The following JAZF1 variants were observed in gnomAD, a reference collection of about 807,000 sequenced individuals.
JAZF1 encodes JAZF zinc finger 1.
JAZF1 carries 8 observed loss-of-function variants against 26.4 expected under a neutral mutation model. The observed-to-expected ratio is 0.30, with a 90% CI of 0.18 to 0.55. JAZF1 has a LOEUF of 0.55. Ranked by LOEUF, JAZF1 falls within the 20% of genes least tolerant of loss-of-function variation. The probability of loss-of-function intolerance (pLI) is 0.94; values close to 1 mark genes in which losing one functional copy is unlikely to be tolerated. For synonymous variants in JAZF1, 126 were observed against 122.3 expected (o/e 1.03, Z -0.20); for missense variants, 199 against 322.0 (o/e 0.62, Z 2.92).
chr7:28,079,554 T>C (rs548954540), intron 1 of JAZF1, among the ~76,000 whole-genome samples: 3 of 152,276 alleles, frequency 2.0e-5, no homozygotes, highest in Admixed American at 6.5e-5. Flanking sequence ...ACAAGTCTCC[T>C]GAACAAAAAT....
At chr7:28,052,602 G>C (rs1783633838) in intron 1 of JAZF1, among the ~76,000 whole-genome samples, 1 of 152,138 alleles carries the variant, frequency 6.6e-6, no homozygotes, top group South Asian at 2.1e-4. Flanking sequence ...TTAAAACAAA[G>C]AAACAAACAA....
At chr7:28,047,266 C>T (rs1255922528) in intron 1 of JAZF1, among the ~76,000 whole-genome samples, 3 of 152,048 alleles carry the variant, frequency 2.0e-5, no homozygotes, top group African/African-American at 7.2e-5. Flanking sequence ...TCTGGTGGGG[C>T]ATATTCCTTC....
chr7:27,867,510 A>C (rs1583438495), intron 3 of JAZF1, among the ~76,000 whole-genome samples: 1 of 152,332 alleles, frequency 6.6e-6, no homozygotes, highest in South Asian at 2.1e-4. Flanking sequence ...ATTTTTAAGA[A>C]GGCTATTTGG....
chr7:27,927,220 ACTCTCGTG>A (rs1784614870), intron 2 of JAZF1, among the ~76,000 whole-genome samples: 1 of 151,914 alleles, frequency 6.6e-6, no homozygotes. Flanking sequence ...TGGCTCCAGC[ACTCTCGTG>A]CTCAGCTGGG....
intron 1 of JAZF1, among the ~76,000 whole-genome samples, chr7:28,023,854 A>G (rs1444391225): frequency 1.3e-5 from 2 of 152,238 alleles, no homozygotes; most frequent in Non-Finnish European, 2.9e-5. Context: ...GATGCTATAG[A>G]TATAAATGCT....
rs2128361069 is a variant in JAZF1, at chr7:27,976,654, A to G, written c.188+15255T>C. Among the ~76,000 whole-genome samples, 2 of 152,282 alleles carry G rather than the reference A, an allele frequency of 1.3e-5. 1 individual carries two copies. The highest frequency in any genetic ancestry group is 4.8e-5 in the African/African-American group (2 of 41,556). On this transcript the variant is annotated intron_variant, in intron 2 of 4. Transcript: ENST00000283928. ...AATAGGAAGGCATGCCTTGTACTGT[A>G]ATAAATATGACTGCTCTCAGAAGAC...
chr7:28,021,561 G>A (rs766774085), intron 1 of JAZF1, among the ~76,000 whole-genome samples: 8 of 152,114 alleles, frequency 5.3e-5, no homozygotes, highest in Non-Finnish European at 8.8e-5. Context: ...AGGAAAGGCC[G>A]CCACCGCCTG....
At chr7:28,134,924 T>C (rs1782856864) in intron 1 of JAZF1, among the ~76,000 whole-genome samples, 1 of 152,198 alleles carries the variant, frequency 6.6e-6, no homozygotes, top group Admixed American at 6.5e-5. Flanking sequence ...ACCTCCCGAA[T>C]GCCTAGAATT....
chr7:27,990,235 G>A (rs968493191), intron 2 of JAZF1, among the ~76,000 whole-genome samples: 1 of 152,170 alleles, frequency 6.6e-6, no homozygotes, highest in African/African-American at 2.4e-5. Flanking sequence ...ATTGAACAAT[G>A]AGAACACTTG....
Position 27,974,376 on chromosome 7 carries a change from C to A in JAZF1, c.188+17533G>T, listed in dbSNP as rs1008942442. 2.0e-5 allele frequency among the ~76,000 whole-genome samples: 3 copies of A among 152,174 alleles called. 1 individual carries two copies. The highest frequency in any genetic ancestry group is 7.2e-5 in the African/African-American group (3 of 41,422). On this transcript the variant is annotated intron_variant, in intron 2 of 4. Coordinates refer to ENST00000283928, the MANE Select transcript of JAZF1 (RefSeq NM_175061.4). ...AGAAGAAGAACCAGGACAGAACAAA[C>A]TAATGGGCACAAAGGAAGAAAGAAT...
In JAZF1 at chr7:28,083,572, T is replaced by C. The variant is rs181503923; in HGVS notation, c.116-91591A>G. On this transcript the variant is annotated intron_variant, in intron 1 of 4. Transcript: ENST00000283928. The stretch of plus-strand genomic sequence containing the variant: ...AACCACTTACTTCACAGGGTTGCCG[T>C]GAAGACTAAAATACACACAGCATAT... Among the ~76,000 whole-genome samples, 164 of 152,208 alleles carry C rather than the reference T, an allele frequency of 1.1e-3. 3 individuals carry two copies. The South Asian group carries it at 0.021, about 19-fold the overall frequency.
chr7:28,122,155 A>G (rs1782615294), intron 1 of JAZF1, among the ~76,000 whole-genome samples: 1 of 152,214 alleles, frequency 6.6e-6, no homozygotes, highest in Admixed American at 6.5e-5. Flanking sequence ...ATCTGATTTT[A>G]GTTTCTTGGG....
rs181549284 is a variant in JAZF1 at position 28,093,818 on chromosome 7, G to A, written c.115+86645C>T. 3.4e-3 allele frequency among the ~76,000 whole-genome samples: 521 copies of A among 152,220 alleles called. 5 individuals are homozygous for A. Among genetic ancestry groups the A allele is most frequent in the Non-Finnish European group, 3.9e-3 (264 of 68,016 alleles). ...ACTGTCTCTTTTCAAATGCTGTAGCGCCCCCCTGTGGCAATGCCTGCAAAC... is the reference window on the plus strand; with the variant it reads ...ACTGTCTCTTTTCAAATGCTGTAGCACCCCCCTGTGGCAATGCCTGCAAAC... On this transcript the variant is annotated intron_variant, in intron 1 of 4. Coordinates refer to ENST00000283928, the MANE Select transcript of JAZF1 (RefSeq NM_175061.4).
chr7:27,926,523 G>A (rs1459602554), intron 2 of JAZF1, among the ~76,000 whole-genome samples: 1 of 152,194 alleles, frequency 6.6e-6, no homozygotes, highest in Non-Finnish European at 1.5e-5. Flanking sequence ...ACATACAGGT[G>A]CTCTACTAAT....
intron 2 of JAZF1, among the ~76,000 whole-genome samples, chr7:27,903,813 G>C (rs887580699): frequency 1.3e-5 from 2 of 152,210 alleles, no homozygotes; most frequent in Non-Finnish European, 2.9e-5. Context: ...ACAAGGCTCT[G>C]ACTTCGTCTG....
chr7:27,837,477 G>A (rs1782837320), intron 4 of JAZF1, among the ~76,000 whole-genome samples: 1 of 152,154 alleles, frequency 6.6e-6, no homozygotes, highest in South Asian at 2.1e-4. Context: ...CAGAGCATCT[G>A]TCACATCTGA....
intron 2 of JAZF1, among the ~76,000 whole-genome samples, chr7:27,905,576 T>A (rs1784241565): frequency 6.6e-6 from 1 of 151,524 alleles, no homozygotes; most frequent in Non-Finnish European, 1.5e-5. Context: ...TTTTTTCTTA[T>A]TTTTATTTTC....
intron 3 of JAZF1, among the ~76,000 whole-genome samples, chr7:27,852,486 C>T (rs572346285): frequency 1.3e-5 from 2 of 152,170 alleles, no homozygotes; most frequent in South Asian, 2.1e-4. Context: ...TTTGAGGTTG[C>T]AACTCCCTCA....
chr7:28,058,931 CACTA>C (rs369885507), intron 1 of JAZF1, among the ~76,000 whole-genome samples: 21 of 152,282 alleles, frequency 1.4e-4, no homozygotes, highest in Non-Finnish European at 2.4e-4. Context: ...TCAAGCGTAA[CACTA>C]ACTGTGTTAC....
Sources: gnomAD v4.1 joint callset for allele counts (sites outside exome capture counted in the v4.1 genomes callset) on GRCh38, gnomAD v4.1.1 for gene constraint, MANE v1.5 for transcripts, NCBI Gene and HGNC (gene_info 2026-07-23, HGNC 2026-07-21) for gene names.